MYO5A: variants seen among roughly 807,000 people sequenced by gnomAD.
The protein encoded by MYO5A is unconventional myosin-Va.
In MYO5A, 98 loss-of-function variants were observed where a neutral mutation model predicts 249.7. The ratio of observed to expected loss-of-function variants is 0.39; its 90% CI spans 0.33 to 0.46. The LOEUF (loss-of-function observed/expected upper bound fraction) is 0.46. MYO5A is among the 20% of genes least tolerant of loss of function. The probability of loss-of-function intolerance (pLI) is 0.98; values close to 1 mark genes in which losing one functional copy is unlikely to be tolerated. For missense variants in MYO5A, 1,696 were observed against 2,308.8 expected (o/e 0.73, Z 5.44); for synonymous variants, 778 against 810.6 (o/e 0.96, Z 0.68).
At chr15:52,469,471 G>A (rs917423021) in intron 1 of MYO5A, among the ~76,000 whole-genome samples, 2 of 152,174 alleles carry the variant, frequency 1.3e-5, no homozygotes, top group Non-Finnish European at 2.9e-5. Context: ...TCTTCATACT[G>A]AGTAGGCTGA....
intron 21 of MYO5A, 68 bp downstream of exon 21, chr15:52,372,056 T>C (rs2041152161): frequency 3.7e-6 from 6 of 1,607,912 alleles, no homozygotes; most frequent in Admixed American, 1.7e-5. Flanking sequence ...AGAAAAACAA[T>C]ATTGAAAATA....
intron 1 of MYO5A, among the ~76,000 whole-genome samples, chr15:52,459,532 A>G (rs1001989059): frequency 2.6e-5 from 4 of 152,214 alleles, no homozygotes; most frequent in Non-Finnish European, 5.9e-5. Context: ...AATTTTTCCT[A>G]GTACAGAACA....
chr15:52,511,825 TTC>T (rs1329016112), intron 1 of MYO5A, among the ~76,000 whole-genome samples: 8 of 152,188 alleles, frequency 5.3e-5, no homozygotes, highest in African/African-American at 1.7e-4. Context: ...TCTTTGATAT[TTC>T]TGTTTGTTTT....
Position 52,450,865 on chromosome 15 carries a change from T to TTTTG in MYO5A, c.28-17581_28-17580insCAAA, listed in dbSNP as rs1555454735. ...GTGGTTTTTTTTTTTTTTTTTTTTT[T>TTTTG]GTGACAGGGTCTCACTCTGTTGCCC... On this transcript the variant is annotated intron_variant, in intron 1 of 41. Coordinates refer to ENST00000399233, the MANE Select transcript of MYO5A (RefSeq NM_001382347.1). Among the ~76,000 whole-genome samples, 42 of 90,934 alleles carry TTTTG rather than the reference T, an allele frequency of 4.6e-4. 1 individual carries two copies. The highest frequency in any genetic ancestry group is 2.1e-3 in the African/African-American group (39 of 18,880). The allele number at this position is 90,934 out of a possible 152,430, so 59.7% of individuals were successfully genotyped here.
At chr15:52,511,691 G>A (rs1448036436) in intron 1 of MYO5A, among the ~76,000 whole-genome samples, 1 of 152,132 alleles carries the variant, frequency 6.6e-6, no homozygotes, top group Non-Finnish European at 1.5e-5. Flanking sequence ...TAACTGGCCC[G>A]CTGATTAATA....
At chr15:52,334,771 G>A (rs890813748) in intron 34 of MYO5A, among the ~76,000 whole-genome samples, 9 of 152,232 alleles carry the variant, frequency 5.9e-5, no homozygotes, top group South Asian at 2.1e-4. Context: ...GAAGCTCAGA[G>A]TCTATTATGG....
chr15:52,492,021 T>G (rs1231137407), intron 1 of MYO5A, among the ~76,000 whole-genome samples: 1 of 152,240 alleles, frequency 6.6e-6, no homozygotes, highest in African/African-American at 2.4e-5. Context: ...ACAAAAAGAA[T>G]ATGACATTTA....
intron 1 of MYO5A, among the ~76,000 whole-genome samples, chr15:52,513,474 G>C (rs2094608696): frequency 6.8e-6 from 1 of 147,860 alleles, no homozygotes; most frequent in Non-Finnish European, 1.5e-5. Flanking sequence ...GCCCAGGCTG[G>C]AGTGCAGTGG....
chr15:52,528,909 G>A (rs2077775198), upstream of MYO5A: 19 of 1,016,848 alleles, frequency 1.9e-5, no homozygotes, highest in South Asian at 4.7e-4. Context: ...CCGGCAGGGA[G>A]CAGGGCAGGG....
intron 21 of MYO5A, among the ~76,000 whole-genome samples, chr15:52,371,921 T>TAATAAC (rs869042892): frequency 2.8e-5 from 4 of 141,974 alleles, no homozygotes; most frequent in African/African-American, 1.0e-4. Flanking sequence ...ATAATAATAA[T>TAATAAC]AACTTCCTGC....
intron 1 of MYO5A, among the ~76,000 whole-genome samples, chr15:52,469,474 T>C (rs2076415041): frequency 6.6e-6 from 1 of 151,954 alleles, no homozygotes; most frequent in Admixed American, 6.6e-5. Context: ...TCATACTGAG[T>C]AGGCTGAGGA....
At chr15:52,410,232 TG>T in intron 6 of MYO5A, 100 bp downstream of exon 6, 1 of 1,334,044 alleles carries the variant, frequency 7.5e-7, no homozygotes, top group African/African-American at 1.4e-5. Flanking sequence ...TGTCATAATA[TG>T]CTCAAGAGTA....
At chr15:52,430,918 T>C (rs182167951) in intron 2 of MYO5A, among the ~76,000 whole-genome samples, 1 of 152,050 alleles carries the variant, frequency 6.6e-6, no homozygotes, top group East Asian at 1.9e-4. Context: ...CCCTATTAAC[T>C]CACGGGTTTT....
chr15:52,331,690 C>T (rs2038895763), intron 34 of MYO5A: 1 of 985,458 alleles, frequency 1.0e-6, no homozygotes, highest in South Asian at 4.7e-5. Flanking sequence ...TCACAGAGAA[C>T]ATCAGTACCT....
Position 52,425,506 on chromosome 15 carries a change from C to T in MYO5A, c.455+324G>A, listed in dbSNP as rs920573931. Among the ~76,000 whole-genome samples the T allele has an allele frequency of 1.8e-4, 28 of 152,088 alleles. 1 individual carries two copies. Among genetic ancestry groups the T allele is most frequent in the Admixed American group, 1.6e-3 (25 of 15,266 alleles). On this transcript the variant is annotated intron_variant, in intron 4 of 41. Coordinates refer to ENST00000399233, the MANE Select transcript of MYO5A (RefSeq NM_001382347.1). Reference sequence around the variant, plus strand: ...TCCCAAGTAGCTGGGATTACAAGTGCGTGCCTCCACACCCGGCTAATTTTT... The same window carrying T: ...TCCCAAGTAGCTGGGATTACAAGTGTGTGCCTCCACACCCGGCTAATTTTT...
At chr15:52,398,698 A>AGTGGGTCAGGCTGGGCGTG (rs2042595824) in intron 9 of MYO5A, among the ~76,000 whole-genome samples, 1 of 152,218 alleles carries the variant, frequency 6.6e-6, no homozygotes, top group Admixed American at 6.5e-5. Context: ...ATCATTTAAA[A>AGTGGGTCAGGCTGGGCGTG]GTGGGTCAGG....
Position 52,309,129 on chromosome 15 carries a change from A to G in MYO5A, c.*4567T>C, listed in dbSNP as rs928819710. The G allele has an allele frequency of 1.3e-5, 2 of 152,300 alleles. No individual in the cohort carries two copies. The highest frequency in any genetic ancestry group is 1.3e-4 in the Admixed American group (2 of 15,286). 9.4% of individuals were successfully genotyped at this position (152,300 alleles called of 1,614,324 possible). A position where few individuals can be genotyped will look rare whatever the true frequency, so the allele number is the denominator to read the frequency against. ...CTGCACAGCTCACCTGGTGGCTCCAATAAAGACTCTGATGGGTGTGGGGAG... is the reference window on the plus strand; with the variant it reads ...CTGCACAGCTCACCTGGTGGCTCCAGTAAAGACTCTGATGGGTGTGGGGAG... On this transcript the variant is annotated 3_prime_UTR_variant, in exon 42 of 42. Transcript: ENST00000399233.
At chr15:52,371,136 A>C (rs2041090202) in intron 21 of MYO5A, among the ~76,000 whole-genome samples, 2 of 150,990 alleles carry the variant, frequency 1.3e-5, no homozygotes, top group Admixed American at 1.3e-4. Context: ...AAAAAAAAAA[A>C]CCCTCTCCCT....
At chr15:52,458,230 G>A (rs1454813934) in intron 1 of MYO5A, among the ~76,000 whole-genome samples, 1 of 152,204 alleles carries the variant, frequency 6.6e-6, no homozygotes, top group East Asian at 1.9e-4. Flanking sequence ...AATGTATTAT[G>A]TATTTCAAAA....
Sources: gnomAD v4.1 joint callset for allele counts (sites outside exome capture counted in the v4.1 genomes callset) on GRCh38, gnomAD v4.1.1 for gene constraint, MANE v1.5 for transcripts, NCBI Gene and HGNC (gene_info 2026-07-23, HGNC 2026-07-21) for gene names.